The following UQCRH variants were observed in gnomAD, a reference collection of about 807,000 sequenced individuals.
UQCRH encodes the protein ubiquinol-cytochrome c reductase hinge protein.
A neutral mutation model predicts 16.3 loss-of-function variants in UQCRH; 14 were observed. The observed-to-expected ratio is 0.86, with a 90% CI of 0.57 to 1.34. The LOEUF is 1.34. Ranked by LOEUF, UQCRH falls within the 40% of genes most tolerant of loss-of-function variation. The probability of loss-of-function intolerance (pLI) is 0.00; values close to 1 mark genes in which losing one functional copy is unlikely to be tolerated. For missense variants in UQCRH, 89 were observed against 111.9 expected, an observed-to-expected ratio of 0.80 and a Z score of 0.92; for synonymous variants, 41 against 41.9, an observed-to-expected ratio of 0.98 and a Z score of 0.08.
intron 1 of UQCRH, among the ~76,000 whole-genome samples, chr1:46,308,333 G>A (rs1269667503): frequency 6.6e-6 from 1 of 152,196 alleles, no homozygotes; most frequent in Non-Finnish European, 1.5e-5. Flanking sequence ...GAGGCAGAAG[G>A]TATGAGGGGA....
intron 3 of UQCRH, among the ~76,000 whole-genome samples, chr1:46,312,592 G>A (rs759097110): frequency 5.9e-5 from 9 of 151,960 alleles, no homozygotes; most frequent in Non-Finnish European, 1.0e-4. Context: ...GCAGGGCATA[G>A]TGGCTGACGC....
intron 3 of UQCRH, among the ~76,000 whole-genome samples, chr1:46,313,390 AG>A (rs1661517292): frequency 6.6e-6 from 1 of 152,172 alleles, no homozygotes; most frequent in South Asian, 2.1e-4. Context: ...GCCCTTTGGG[AG>A]GCGGAGGCGG....
At chr1:46,303,919 C>T (rs1290952663) in intron 1 of UQCRH, 99 bp downstream of exon 1, 1 of 1,533,930 alleles carries the variant, frequency 6.5e-7, no homozygotes, top group Non-Finnish European at 8.9e-7. Context: ...CCAGTTTACC[C>T]TCTAGGGTTT....
intron 3 of UQCRH, among the ~76,000 whole-genome samples, chr1:46,314,291 G>A (rs754468679): frequency 6.6e-5 from 10 of 150,474 alleles, no homozygotes; most frequent in East Asian, 2.0e-4. Flanking sequence ...GCATGAACCC[G>A]GGAGGCGGAG....
intron 3 of UQCRH, 31 bp downstream of exon 3, chr1:46,310,347 G>A: frequency 6.2e-7 from 1 of 1,613,786 alleles, no homozygotes; most frequent in Non-Finnish European, 8.5e-7. Flanking sequence ...GAAGGGGAAA[G>A]GTTGCAATGG....
intron 1 of UQCRH, among the ~76,000 whole-genome samples, chr1:46,307,712 G>C (rs1002061056): frequency 6.6e-6 from 1 of 152,210 alleles, no homozygotes; most frequent in Non-Finnish European, 1.5e-5. Context: ...GAGTGGAGTT[G>C]TGCACTTTTA....
intron 3 of UQCRH, among the ~76,000 whole-genome samples, chr1:46,311,450 G>A (rs1423153499): frequency 1.3e-5 from 2 of 150,366 alleles, no homozygotes; most frequent in East Asian, 4.0e-4. Context: ...GGTGGCGGGC[G>A]CCTGTAGCCC....
intron 3 of UQCRH, among the ~76,000 whole-genome samples, chr1:46,313,221 G>GTGGC (rs1294234800): frequency 1.3e-5 from 2 of 152,212 alleles, no homozygotes; most frequent in Non-Finnish European, 2.9e-5. Flanking sequence ...GCTGGGCACT[G>GTGGC]TGGCTCATGC....
At position 46,308,113 on chromosome 1, in the gene UQCRH, G is replaced by A. The variant is rs565923755; in HGVS notation, c.55-988G>A. On this transcript the variant is annotated intron_variant, in intron 1 of 3. Transcript: ENST00000311672. ...TGCTTTATAAACTGGAGAGTATTAAGCACACTTAGGTTCTTGTTAATGAAA... is the reference window on the plus strand; with the variant it reads ...TGCTTTATAAACTGGAGAGTATTAAACACACTTAGGTTCTTGTTAATGAAA... 6.6e-5 allele frequency among the ~76,000 whole-genome samples: 10 copies of A among 152,286 alleles called. 2 individuals carry two copies. The South Asian group carries it at 2.1e-3, about 32-fold the overall frequency.
At chr1:46,310,428 T>C in intron 3 of UQCRH, 112 bp downstream of exon 3, 2 of 1,471,570 alleles carry the variant, frequency 1.4e-6, no homozygotes, top group Non-Finnish European at 1.9e-6. Flanking sequence ...GGGCCCAATA[T>C]ATGTGACATA....
chr1:46,310,408 C>A, intron 3 of UQCRH, 92 bp downstream of exon 3: 1 of 1,569,794 alleles, frequency 6.4e-7, no homozygotes. Flanking sequence ...AAAGGCCCAT[C>A]AGTTACTCTG....
In UQCRH at chr1:46,310,259, T is replaced by C. The variant is rs1462633833; in HGVS notation, c.186T>C (p.His62=). The C allele has an allele frequency of 1.2e-6, 2 of 1,614,176 alleles. No homozygotes were observed. The highest frequency in any genetic ancestry group is 2.2e-5 in the South Asian group (2 of 91,086). Residue 62 remains histidine, a synonymous_variant, in exon 3 of 4, where the codon CAT becomes CAC. Coordinates refer to ENST00000311672, the MANE Select transcript of UQCRH (RefSeq NM_006004.4). ...LCDERVSSRS[H]TEEDCTEELF... is the part of the protein sequence containing the mutation. ...ATGAGCGTGTATCCTCTCGATCACATACAGAAGAGGATTGCACGGAGGAGC... is the reference window on the plus strand; with the variant it reads ...ATGAGCGTGTATCCTCTCGATCACACACAGAAGAGGATTGCACGGAGGAGC...
intron 3 of UQCRH, among the ~76,000 whole-genome samples, chr1:46,311,877 C>T (rs1557725427): frequency 6.6e-6 from 1 of 151,424 alleles, no homozygotes; most frequent in Admixed American, 6.6e-5. Flanking sequence ...GATCCACCTG[C>T]CTCAGCCTTC....
chr1:46,308,982 G>GA, intron 1 of UQCRH, 119 bp from the exon 2 acceptor site: 11 of 1,234,436 alleles, frequency 8.9e-6, no homozygotes, highest in Non-Finnish European at 1.3e-5. Flanking sequence ...ATAAAACACA[G>GA]AAAACAAAAT....
chr1:46,310,387 C>G lies in UQCRH; in HGVS notation c.243+71C>G, dbSNP rs1661448074. 2.5e-6 allele frequency: 4 copies of G among 1,603,348 alleles called. No individual in the cohort carries two copies. In the African/African-American group the frequency reaches 5.3e-5, roughly 21 times the overall value. On this transcript the variant is annotated intron_variant, in intron 3 of 3. Transcript: ENST00000311672. ...GGAAGACTTGGTGCCAACAATCTTT[C>G]CATGCTAGGGAAAGGCCCATCAGTT...
At chr1:46,311,074 CAA>C (rs1196243713) in intron 3 of UQCRH, among the ~76,000 whole-genome samples, 2 of 144,848 alleles carry the variant, frequency 1.4e-5, no homozygotes. Context: ...GACTCCATCT[CAA>C]AAAAAAAAAA....
intron 1 of UQCRH, among the ~76,000 whole-genome samples, chr1:46,308,354 G>A (rs1327883033): frequency 1.3e-5 from 2 of 152,190 alleles, no homozygotes; most frequent in East Asian, 3.9e-4. Context: ...AGGAAGCATG[G>A]CTCAGCACCT....
intron 1 of UQCRH, among the ~76,000 whole-genome samples, chr1:46,306,042 T>C (rs1025822233): frequency 1.4e-4 from 22 of 152,240 alleles, no homozygotes; most frequent in South Asian, 6.2e-4. Context: ...TCCGCCCTCC[T>C]CGGCCTCCCA....
intron 3 of UQCRH, among the ~76,000 whole-genome samples, chr1:46,315,239 G>A (rs535525137): frequency 1.3e-5 from 2 of 152,328 alleles, no homozygotes; most frequent in East Asian, 3.9e-4. Context: ...GAGGTCGGGA[G>A]TTCGAGACCA....
Sources: allele counts gnomAD v4.1 joint callset (sites outside exome capture counted in the v4.1 genomes callset), GRCh38; gene constraint gnomAD v4.1.1; transcripts MANE v1.5; gene names NCBI Gene and HGNC (gene_info 2026-07-23, HGNC 2026-07-21).